Variants in RPTOR observed in about 807,000 individuals in gnomAD.
RPTOR encodes regulatory associated protein of MTOR complex 1, also known as regulatory-associated protein of mTOR.
RPTOR carries 21 observed loss-of-function variants against 169.9 expected under a neutral mutation model. The ratio of observed to expected loss-of-function variants is 0.12; its 90% CI spans 0.09 to 0.18. RPTOR has a LOEUF of 0.18. Ranked by LOEUF, RPTOR falls within the 10% of genes least tolerant of loss-of-function variation. The pLI, the probability that RPTOR is intolerant of heterozygous loss-of-function variation, is 1.00. For synonymous variants in RPTOR, 732 were observed against 753.2 expected (o/e 0.97, Z 0.46); for missense variants, 1,133 against 1,855.9 (o/e 0.61, Z 7.16).
chr17:80,671,742 G>C (rs2065823559), intron 3 of RPTOR, among the ~76,000 whole-genome samples: 1 of 152,118 alleles, frequency 6.6e-6, no homozygotes, highest in East Asian at 1.9e-4. Flanking sequence ...CTGACCTATG[G>C]TCTTCTGGTC....
chr17:80,834,696 T>C (rs1354787011), intron 9 of RPTOR, among the ~76,000 whole-genome samples: 1 of 152,242 alleles, frequency 6.6e-6, no homozygotes, highest in Non-Finnish European at 1.5e-5. Context: ...TCCGGTGTGC[T>C]GAGCGATGTC....
At chr17:80,808,550 T>C (rs1231001813) in intron 7 of RPTOR, among the ~76,000 whole-genome samples, 1 of 152,204 alleles carries the variant, frequency 6.6e-6, no homozygotes, top group Admixed American at 6.5e-5. Context: ...GTTCTTGAGG[T>C]GCATTCAATA....
intron 13 of RPTOR, among the ~76,000 whole-genome samples, chr17:80,868,944 G>A (rs1177672877): frequency 6.6e-6 from 1 of 152,160 alleles, no homozygotes; most frequent in African/African-American, 2.4e-5. Flanking sequence ...CTGGGGGCAG[G>A]TGAGGGTGGG....
chr17:80,930,382 TCAGCTCAGC>T (rs2068874872), intron 24 of RPTOR, among the ~76,000 whole-genome samples: 1 of 37,614 alleles, frequency 2.7e-5, no homozygotes, highest in African/African-American at 1.1e-4. Flanking sequence ...CATCCCCAGC[TCAGCTCAGC>T]TCATTCTCAG....
intron 6 of RPTOR, among the ~76,000 whole-genome samples, chr17:80,762,256 C>G (rs2066743701): frequency 2.0e-5 from 3 of 152,242 alleles, no homozygotes; most frequent in African/African-American, 4.8e-5. Flanking sequence ...CGGCTGAACC[C>G]CGTCCTCGGG....
At chr17:80,760,300 C>T (rs117736345) in intron 6 of RPTOR, among the ~76,000 whole-genome samples, 7 of 96,492 alleles carry the variant, frequency 7.3e-5, no homozygotes, top group South Asian at 3.9e-4. Context: ...TTTCTTTTTT[C>T]TTTTTTCTTT....
At chr17:80,685,461 T>A (rs1052537740) in intron 3 of RPTOR, among the ~76,000 whole-genome samples, 36 of 149,736 alleles carry the variant, frequency 2.4e-4, no homozygotes, top group Admixed American at 4.0e-4. Flanking sequence ...TTTTTTTTTT[T>A]AATGTAGGAA....
chr17:80,744,107 A>T lies in RPTOR; in HGVS notation c.655-9903A>T, dbSNP rs376163662. On this transcript the variant is annotated intron_variant, in intron 5 of 33. Coordinates refer to ENST00000306801, the MANE Select transcript of RPTOR (RefSeq NM_020761.3). Reference sequence around the variant, plus strand: ...CGAGCACAGCCCTGGTTACTAGCACAGCCCTGGTTACTAGCACAGCCCTGG... The same window carrying T: ...CGAGCACAGCCCTGGTTACTAGCACTGCCCTGGTTACTAGCACAGCCCTGG... Among the ~76,000 whole-genome samples the T allele has an allele frequency of 9.0e-3, 202 of 22,372 alleles. 1 individual carries two copies. The highest frequency in any genetic ancestry group is 0.015 in the East Asian group (13 of 886). 14.7% of individuals were successfully genotyped at this position (22,372 alleles called of 152,430 possible).
At chr17:80,908,676 G>A in intron 20 of RPTOR, 135 bp from the exon 21 acceptor site, 1 of 667,848 alleles carries the variant, frequency 1.5e-6, no homozygotes, top group South Asian at 1.8e-5. Flanking sequence ...ATAACAAAAT[G>A]GGGGCTTCCT....
chr17:80,874,636 A>G (rs2143809748), intron 13 of RPTOR, among the ~76,000 whole-genome samples: 2 of 152,300 alleles, frequency 1.3e-5, no homozygotes, highest in South Asian at 4.1e-4. Flanking sequence ...GAAGTCGTGA[A>G]GAGCAGTGAG....
At chr17:80,765,802 A>G (rs549852817) in intron 6 of RPTOR, among the ~76,000 whole-genome samples, 3 of 152,272 alleles carry the variant, frequency 2.0e-5, no homozygotes, top group African/African-American at 7.2e-5. Flanking sequence ...ACGTCTAAAT[A>G]GAGGTTACCA....
chr17:80,756,917 A>G (rs377231084), intron 6 of RPTOR, among the ~76,000 whole-genome samples: 2 of 152,340 alleles, frequency 1.3e-5, no homozygotes, highest in South Asian at 4.1e-4. Flanking sequence ...AGACAGACAG[A>G]CAAGAAAAAG....
At chr17:80,637,329 C>T (rs55960945) in intron 2 of RPTOR, among the ~76,000 whole-genome samples, 9,656 of 152,198 alleles carry the variant, frequency 0.063, 328 homozygotes, top group Non-Finnish European at 0.082. Context: ...GGAGTCAGCT[C>T]GTGAGAAATG....
chr17:80,694,525 G>T (rs1478122412), intron 3 of RPTOR, among the ~76,000 whole-genome samples: 2 of 152,196 alleles, frequency 1.3e-5, no homozygotes, highest in Admixed American at 1.3e-4. Context: ...TGAATGTGTT[G>T]GTTCTGGTGA....
At chr17:80,864,282 G>T (rs1288409507) in intron 13 of RPTOR, among the ~76,000 whole-genome samples, 2 of 138,734 alleles carry the variant, frequency 1.4e-5, no homozygotes, top group African/African-American at 5.2e-5. Context: ...ATGACGGCAG[G>T]TTTCTTCTTA....
chr17:80,794,094 G>A (rs545549673), intron 7 of RPTOR, among the ~76,000 whole-genome samples: 1 of 152,312 alleles, frequency 6.6e-6, no homozygotes, highest in African/African-American at 2.4e-5. Flanking sequence ...TTGGTAAATT[G>A]GACTTCATCC....
chr17:80,932,128 C>T (rs1033042187), intron 24 of RPTOR, among the ~76,000 whole-genome samples: 3 of 141,118 alleles, frequency 2.1e-5, no homozygotes, highest in Non-Finnish European at 4.6e-5. Context: ...AATAGAGGCA[C>T]ACCCATTTCC....
intron 7 of RPTOR, among the ~76,000 whole-genome samples, chr17:80,810,246 A>G (rs1024964447): frequency 1.3e-5 from 2 of 151,884 alleles, no homozygotes; most frequent in Admixed American, 1.3e-4. Context: ...TAAAACTTTT[A>G]GTTTTAACTT....
rs569416858 is a variant in RPTOR at position 80,900,441 on chromosome 17, C to T, written c.2401+6576C>T. ...AAGCAATTCTCCTGCCTCAGCCTCC[C>T]AAGTAGCTGGGATTACAGGCGCATG... On this transcript the variant is annotated intron_variant, in intron 20 of 33. Coordinates refer to ENST00000306801, the MANE Select transcript of RPTOR (RefSeq NM_020761.3). Among the ~76,000 whole-genome samples, 134 of 152,262 alleles carry T rather than the reference C, an allele frequency of 8.8e-4. 1 individual carries two copies. Among genetic ancestry groups the T allele is most frequent in the African/African-American group, 2.5e-3 (104 of 41,538 alleles).
Sources: gnomAD v4.1 joint callset for allele counts (sites outside exome capture counted in the v4.1 genomes callset) on GRCh38, gnomAD v4.1.1 for gene constraint, MANE v1.5 for transcripts, NCBI Gene and HGNC (gene_info 2026-07-23, HGNC 2026-07-21) for gene names.